Variants in STK3 observed in about 807,000 individuals in gnomAD.
STK3 encodes serine/threonine kinase 3.
STK3 carries 41 observed loss-of-function variants against 58.0 expected under a neutral mutation model. The observed-to-expected ratio is 0.71, with a 90% CI of 0.55 to 0.92. The LOEUF is 0.92. Ranked by LOEUF, STK3 falls within the 40% of genes least tolerant of loss-of-function variation. The pLI, the probability that STK3 is intolerant of heterozygous loss-of-function variation, is 0.00. For missense variants in STK3, 479 were observed against 602.7 expected (o/e 0.79, Z 2.15); for synonymous variants, 170 against 191.0 (o/e 0.89, Z 0.91).
chr8:98,642,818 T>A (rs1227763988), intron 6 of STK3, among the ~76,000 whole-genome samples: 1 of 152,188 alleles, frequency 6.6e-6, no homozygotes, highest in Non-Finnish European at 1.5e-5. Flanking sequence ...GACAGGCAGA[T>A]GGAAGAATGA....
intron 1 of STK3, among the ~76,000 whole-genome samples, chr8:98,922,014 T>C (rs1016126206): frequency 9.2e-5 from 14 of 152,258 alleles, no homozygotes; most frequent in African/African-American, 3.4e-4. Context: ...CATTTCTATC[T>C]CCTTTCTCCT....
At chr8:98,595,570 C>A (rs1427073809) in intron 7 of STK3, 3 of 151,946 alleles carry the variant, frequency 2.0e-5, no homozygotes, top group African/African-American at 7.2e-5. Context: ...ATTTTAAAAT[C>A]TACTGACATT....
At chr8:98,358,597 A>G in the STK3 span, among the ~76,000 whole-genome samples, 1 of 152,106 alleles carries the variant, frequency 6.6e-6, no homozygotes, top group South Asian at 2.1e-4. Flanking sequence ...GTGATGATCC[A>G]TGAGCCACCT....
intron 9 of STK3, among the ~76,000 whole-genome samples, chr8:98,545,822 C>T (rs1040084665): frequency 2.0e-5 from 3 of 152,096 alleles, no homozygotes; most frequent in Admixed American, 2.0e-4. Flanking sequence ...TAAGCTGAGA[C>T]CTCATACCAA....
At chr8:98,670,233 G>C (rs1279935544) in intron 6 of STK3, among the ~76,000 whole-genome samples, 2 of 152,104 alleles carry the variant, frequency 1.3e-5, no homozygotes, top group African/African-American at 2.4e-5. Flanking sequence ...GCTAGGCGTG[G>C]TGGTGTGTGC....
the STK3 span, among the ~76,000 whole-genome samples, chr8:98,360,828 C>G: frequency 2.0e-5 from 3 of 152,278 alleles, no homozygotes; most frequent in African/African-American, 7.2e-5. Flanking sequence ...TGTTAACAGG[C>G]CAGTTGGGCT....
intron 1 of STK3, chr8:98,782,703 T>C (rs1832176649): frequency 6.6e-6 from 1 of 152,576 alleles, no homozygotes; most frequent in Non-Finnish European, 1.4e-5. Flanking sequence ...AAACAAGCCT[T>C]TATCTGCTAA....
At chr8:98,507,057 C>T (rs941831586) in intron 10 of STK3, among the ~76,000 whole-genome samples, 6 of 152,138 alleles carry the variant, frequency 3.9e-5, no homozygotes, top group Non-Finnish European at 8.8e-5. Flanking sequence ...ATACTCATTT[C>T]TTTGTTACAG....
At position 98,868,634 on chromosome 8, in the gene STK3, A is replaced by G. The variant is rs149743847; in HGVS notation, c.110+15013T>C. 9.2e-5 allele frequency among the ~76,000 whole-genome samples: 14 copies of G among 152,310 alleles called. No homozygotes were observed. In the East Asian group the frequency reaches 2.7e-3, roughly 29 times the overall value. ...CATAGTGGGTTAAATTGTGGCCTCC[A>G]AAAAGATGTATCCATTTGGAACCTG... On this transcript the variant is annotated intron_variant, in intron 3 of 12. Transcript: ENST00000523601.
At chr8:98,855,923 G>T (rs113731855) in intron 3 of STK3, among the ~76,000 whole-genome samples, 1 of 151,938 alleles carries the variant, frequency 6.6e-6, no homozygotes, top group Admixed American at 6.6e-5. Flanking sequence ...TTGGGAGGCC[G>T]AGGTGGGTGG....
At chr8:98,617,312 A>G (rs1201684286) in intron 6 of STK3, among the ~76,000 whole-genome samples, 1 of 142,916 alleles carries the variant, frequency 7.0e-6, no homozygotes, top group African/African-American at 2.6e-5. Context: ...CATTCAAAGC[A>G]GTGTGTAGAG....
intron 6 of STK3, among the ~76,000 whole-genome samples, chr8:98,648,302 TC>T (rs1362828470): frequency 6.6e-6 from 1 of 152,206 alleles, no homozygotes; most frequent in African/African-American, 2.4e-5. Flanking sequence ...AGAACTCCAT[TC>T]TTTTTAATGG....
At chr8:98,827,987 T>A (rs1027362872), upstream of STK3, among the ~76,000 whole-genome samples, 3 of 141,746 alleles carry the variant, frequency 2.1e-5, no homozygotes, top group Admixed American at 7.0e-5. Context: ...TACTCCCAGC[T>A]TTTTTTTTTT....
intron 1 of STK3, among the ~76,000 whole-genome samples, chr8:98,903,539 TTCTTCTTCTTCTTCTTCC>T (rs1564093497): frequency 1.1e-4 from 3 of 28,368 alleles, no homozygotes; most frequent in African/African-American, 2.1e-4. Flanking sequence ...CTTCTTCTTC[TTCTTCTTCTTCTTCTTCC>T]TTTTTTTTTT....
At chr8:98,403,004 G>C (rs1432240454) in intron 3 of STK3, among the ~76,000 whole-genome samples, 5 of 152,286 alleles carry the variant, frequency 3.3e-5, no homozygotes, top group Middle Eastern at 3.4e-3. Context: ...ACTTTCTTGG[G>C]CCTTGCACTA....
At position 98,518,645 on chromosome 8, in the gene STK3, T is replaced by G. The variant is rs918530165; in HGVS notation, c.1317+8097A>C. Among the ~76,000 whole-genome samples the G allele has an allele frequency of 3.3e-5, 5 of 152,162 alleles. No individual in the cohort carries two copies. The East Asian group carries it at 9.6e-4, about 29-fold the overall frequency. On this transcript the variant is annotated intron_variant, in intron 10 of 10. Coordinates refer to ENST00000419617, the MANE Select transcript of STK3 (RefSeq NM_006281.4). ...TATCTTAAATGCCTCAGCAGACGGA[T>G]GGTCAAAACCTCATAAAAATTCTAC...
At chr8:98,706,374 G>T in intron 6 of STK3, 93 bp downstream of exon 6, 2 of 1,256,408 alleles carry the variant, frequency 1.6e-6, no homozygotes, top group South Asian at 1.9e-5. Flanking sequence ...ACATTTAAAT[G>T]AACTTATTTA....
chr8:98,661,449 G>A (rs971957376), intron 6 of STK3, among the ~76,000 whole-genome samples: 24 of 152,030 alleles, frequency 1.6e-4, no homozygotes, highest in South Asian at 1.2e-3. Context: ...TTAATCCAGG[G>A]TATCATCATT....
intron 6 of STK3, among the ~76,000 whole-genome samples, chr8:98,643,833 A>C (rs753750751): frequency 1.1e-4 from 16 of 152,072 alleles, no homozygotes; most frequent in South Asian, 2.1e-4. Flanking sequence ...ACATACTGAG[A>C]CTTCACCTCT....
Sources: gnomAD v4.1 joint callset for allele counts (sites outside exome capture counted in the v4.1 genomes callset) on GRCh38, gnomAD v4.1.1 for gene constraint, MANE v1.5 for transcripts, NCBI Gene and HGNC (gene_info 2026-07-23, HGNC 2026-07-21) for gene names.